AR: variants seen among roughly 807,000 people sequenced by gnomAD.
AR encodes dihydrotestosterone receptor.
Under a neutral mutation model 53.9 loss-of-function variants are expected in AR, and 8 were observed. The observed-to-expected ratio is 0.15, with a 90% CI of 0.09 to 0.27. The LOEUF (loss-of-function observed/expected upper bound fraction) is 0.27. Among genes scored for constraint, AR ranks in the 10% least tolerant of loss-of-function variants. The probability of loss-of-function intolerance (pLI) is 1.00; values close to 1 mark genes in which losing one functional copy is unlikely to be tolerated. For synonymous variants in AR, 359 were observed against 316.4 expected (o/e 1.13, Z -1.43); for missense variants, 639 against 742.5 (o/e 0.86, Z 1.62).
chrX:67,664,667 G>T (rs1284839710), intron 2 of AR, among the ~76,000 whole-genome samples: 1 of 112,327 alleles, frequency 8.9e-6, no homozygotes, highest in African/African-American at 3.2e-5. Context: ...ATTTAAGTCT[G>T]CAGAGGTTTC....
At chrX:67,723,500 C>T (rs1026379247) in intron 7 of AR, among the ~76,000 whole-genome samples, 186 bp from the exon 8 acceptor site, 2 of 72,518 alleles carry the variant, frequency 2.8e-5, no homozygotes, top group Admixed American at 1.9e-4. Context: ...TTCTTTCTCT[C>T]TCTCTCGCTG....
chrX:67,638,950 A>T (rs1925598464), intron 1 of AR, among the ~76,000 whole-genome samples: 1 of 111,730 alleles, frequency 9.0e-6, no homozygotes, highest in Admixed American at 9.5e-5. Flanking sequence ...TAGGGTTTTC[A>T]TGGTTTTAGG....
intron 2 of AR, 46 bp downstream of exon 2, chrX:67,643,453 C>T (rs1466782061): frequency 6.0e-6 from 7 of 1,172,863 alleles, no homozygotes; most frequent in Non-Finnish European, 8.0e-6. Flanking sequence ...TCTCCTTTAC[C>T]TTCCAGAGAG....
At chrX:67,717,997 A>G (rs2076120684) in intron 5 of AR, among the ~76,000 whole-genome samples, 1 of 112,748 alleles carries the variant, frequency 8.9e-6, no homozygotes, top group Non-Finnish European at 1.9e-5. Context: ...ACCAAAGGCT[A>G]CTTCTAGTCA....
chrX:67,698,843 G>T (rs1363759381), intron 3 of AR, among the ~76,000 whole-genome samples: 1 of 111,540 alleles, frequency 9.0e-6, no homozygotes, highest in Non-Finnish European at 1.9e-5. Flanking sequence ...CCATTCACTG[G>T]TTAATCTTTA....
intron 1 of AR, among the ~76,000 whole-genome samples, chrX:67,548,175 G>A (rs1380419988): frequency 5.4e-5 from 6 of 111,888 alleles, no homozygotes; most frequent in Non-Finnish European, 7.5e-5. Flanking sequence ...TTCTTTCACT[G>A]ATGCTTTCCT....
intron 2 of AR, among the ~76,000 whole-genome samples, chrX:67,647,608 T>A (rs1262090411): frequency 8.9e-6 from 1 of 112,053 alleles, no homozygotes; most frequent in East Asian, 2.8e-4. Context: ...GGCCAAGGAG[T>A]TGACTGATCC....
In AR at chrX:67,727,840, T is replaced by C. The variant is rs1157200048; in HGVS notation, c.*3999T>C. Reference sequence around the variant, plus strand: ...ATGTTTGACCCACTACAAGGGGTCATGGGAATCAGGAATGCCAAAGCACCA... The same window carrying C: ...ATGTTTGACCCACTACAAGGGGTCACGGGAATCAGGAATGCCAAAGCACCA... On this transcript the variant is annotated 3_prime_UTR_variant, in exon 8 of 8. Transcript: ENST00000374690. The C allele has an allele frequency of 1.7e-5, 3 of 173,129 alleles. No homozygotes were observed. Among genetic ancestry groups the C allele is most frequent in the East Asian group, 8.2e-5 (1 of 12,235 alleles). 14.3% of individuals were successfully genotyped at this position (173,129 alleles called of 1,213,427 possible).
intron 1 of AR, among the ~76,000 whole-genome samples, chrX:67,602,073 A>G (rs2147377082): frequency 8.9e-6 from 1 of 112,257 alleles, no homozygotes; most frequent in East Asian, 2.8e-4. Context: ...TAAGTTGGAG[A>G]CAGAACCATA....
At chrX:67,665,296 C>A (rs1236977053) in intron 2 of AR, among the ~76,000 whole-genome samples, 2 of 112,744 alleles carry the variant, frequency 1.8e-5, no homozygotes, top group Non-Finnish European at 3.7e-5. Context: ...ACCCACTGTT[C>A]TTTCTCATCT....
At chrX:67,654,235 T>G (rs1047357937) in intron 2 of AR, among the ~76,000 whole-genome samples, 4 of 111,702 alleles carry the variant, frequency 3.6e-5, no homozygotes, top group Non-Finnish European at 7.5e-5. Context: ...GTAAGTTTTG[T>G]ATCCTTTTCC....
At chrX:67,599,168 T>A (rs1923227573) in intron 1 of AR, among the ~76,000 whole-genome samples, 1 of 112,210 alleles carries the variant, frequency 8.9e-6, no homozygotes, top group South Asian at 3.7e-4. Context: ...TACTTAGTTG[T>A]GGCTTTGGTG....
At chrX:67,560,619 T>C (rs1921259825) in intron 1 of AR, among the ~76,000 whole-genome samples, 1 of 111,862 alleles carries the variant, frequency 8.9e-6, no homozygotes, top group African/African-American at 3.2e-5. Flanking sequence ...AAATCTGGTG[T>C]TCAAGTCCTT....
At chrX:67,569,137 G>T in intron 1 of AR, 1 of 719,656 alleles carries the variant, frequency 1.4e-6, no homozygotes. Context: ...TAGGCATCTA[G>T]ACTAGCTTGC....
In AR at chrX:67,711,638, C is replaced by T. The variant is rs2147525132; in HGVS notation, c.2122C>T (p.Leu708=). 2.5e-6 allele frequency: 3 copies of T among 1,208,631 alleles called. No individual in the cohort carries two copies. Among genetic ancestry groups the T allele is most frequent in the Non-Finnish European group, 3.4e-6 (3 of 893,615 alleles). ...FAALLSSLNE[L]GERQLVHVVK... ...AGCCTTGCTCTCTAGCCTCAATGAA[C>T]TGGGAGAGAGACAGCTTGTACACGT... The change falls in exon 4 of 8, where the codon CTG becomes TTG. Residue 708 remains leucine (L), a synonymous_variant. Transcript: ENST00000374690.
intron 1 of AR, among the ~76,000 whole-genome samples, chrX:67,553,767 T>C (rs1390337200): frequency 8.9e-6 from 1 of 112,746 alleles, no homozygotes; most frequent in East Asian, 2.8e-4. Flanking sequence ...TGCAGTTCTT[T>C]TTAAAATTTA....
chrX:67,616,714 C>CATTCATTT (rs1181013748), intron 1 of AR, among the ~76,000 whole-genome samples: 6 of 111,549 alleles, frequency 5.4e-5, no homozygotes, highest in Non-Finnish European at 1.1e-4. Flanking sequence ...TTGGTTCATT[C>CATTCATTT]ATTCATTTAT....
chrX:67,624,494 G>T (rs1228726425), intron 1 of AR, among the ~76,000 whole-genome samples: 1 of 111,409 alleles, frequency 9.0e-6, no homozygotes, highest in Non-Finnish European at 1.9e-5. Flanking sequence ...CTTGGAAGAG[G>T]CTGGAACCCT....
chrX:67,668,258 A>G (rs953924396), intron 2 of AR, among the ~76,000 whole-genome samples: 1 of 111,811 alleles, frequency 8.9e-6, no homozygotes, highest in Non-Finnish European at 1.9e-5. Flanking sequence ...GAAGGTTTTT[A>G]TATTTTAAGG....
Sources: gnomAD v4.1 joint callset for allele counts (sites outside exome capture counted in the v4.1 genomes callset) on GRCh38, gnomAD v4.1.1 for gene constraint, MANE v1.5 for transcripts, NCBI Gene and HGNC (gene_info 2026-07-23, HGNC 2026-07-21) for gene names.